Variants in MAST4 observed in about 807,000 individuals in gnomAD.
MAST4 encodes microtubule-associated serine/threonine-protein kinase 4.
A neutral mutation model predicts 162.7 loss-of-function variants in MAST4; 89 were observed. That is an observed-to-expected ratio of 0.55 (90% confidence interval 0.46 to 0.65). The LOEUF (loss-of-function observed/expected upper bound fraction) is 0.65. Ranked by LOEUF, MAST4 falls within the 30% of genes least tolerant of loss-of-function variation. The pLI is 0.00. For missense variants in MAST4, 3,153 were observed against 3,374.0 expected (o/e 0.93, Z 1.62); for synonymous variants, 1,479 against 1,361.1 (o/e 1.09, Z -1.91).
intron 1 of MAST4, among the ~76,000 whole-genome samples, chr5:66,621,844 G>A (rs2149407857): frequency 6.6e-6 from 1 of 152,346 alleles, no homozygotes; most frequent in South Asian, 2.1e-4. Flanking sequence ...TAGAGCAGGA[G>A]TTGACAGTCG....
intron 5 of MAST4, among the ~76,000 whole-genome samples, chr5:67,084,801 C>G (rs575681388): frequency 3.0e-4 from 46 of 152,178 alleles, no homozygotes; most frequent in African/African-American, 8.7e-4. Context: ...TTTTACTTAG[C>G]ATTGTTGACT....
chr5:66,885,562 TG>T (rs1194925068), intron 3 of MAST4, among the ~76,000 whole-genome samples: 2 of 152,244 alleles, frequency 1.3e-5, no homozygotes, highest in Non-Finnish European at 2.9e-5. Flanking sequence ...AACCCAGCTT[TG>T]TAAGAAGTTT....
intron 1 of MAST4, among the ~76,000 whole-genome samples, chr5:66,726,644 C>G (rs1465623851): frequency 6.6e-6 from 1 of 152,034 alleles, no homozygotes; most frequent in Non-Finnish European, 1.5e-5. Context: ...AACCCCTGAT[C>G]TAAGGTTCTT....
At chr5:66,804,252 A>G (rs1756067233) in intron 3 of MAST4, among the ~76,000 whole-genome samples, 1 of 152,204 alleles carries the variant, frequency 6.6e-6, no homozygotes, top group South Asian at 2.1e-4. Flanking sequence ...AATGTATATC[A>G]GCAACTATTA....
chr5:67,049,686 GTTAGTCTTA>G (rs1757939437), intron 4 of MAST4, among the ~76,000 whole-genome samples: 1 of 152,116 alleles, frequency 6.6e-6, no homozygotes, highest in Non-Finnish European at 1.5e-5. Flanking sequence ...CTCAATGGTG[GTTAGTCTTA>G]TTTTTTACTG....
chr5:66,660,704 G>A (rs1746850445), intron 1 of MAST4, among the ~76,000 whole-genome samples: 1 of 152,140 alleles, frequency 6.6e-6, no homozygotes, highest in Non-Finnish European at 1.5e-5. Context: ...CCTTGGGAAG[G>A]ATTTTAATTT....
At chr5:67,125,320 G>C (rs964209173) in intron 14 of MAST4, among the ~76,000 whole-genome samples, 1 of 151,324 alleles carries the variant, frequency 6.6e-6, no homozygotes, top group Non-Finnish European at 1.5e-5. Flanking sequence ...TGTTACATAG[G>C]TATACACATG....
chr5:66,734,825 G>A (rs56719489), intron 1 of MAST4, among the ~76,000 whole-genome samples: 6,918 of 152,250 alleles, frequency 0.045, 234 homozygotes, highest in South Asian at 0.12. Flanking sequence ...ACATCAATTT[G>A]TATTTGTTTT....
intron 1 of MAST4, among the ~76,000 whole-genome samples, chr5:66,753,614 C>T (rs1753331784): frequency 6.6e-6 from 1 of 151,700 alleles, no homozygotes; most frequent in Admixed American, 6.6e-5. Context: ...GAAGTTGAAT[C>T]TCTGAATAGA....
At chr5:66,731,641 T>C (rs754881557) in intron 1 of MAST4, among the ~76,000 whole-genome samples, 1 of 152,076 alleles carries the variant, frequency 6.6e-6, no homozygotes, top group Non-Finnish European at 1.5e-5. Context: ...CTCTGGCTTA[T>C]AGTCTTCTAG....
intron 18 of MAST4, 51 bp downstream of exon 18, chr5:67,134,739 T>G: frequency 3.4e-6 from 5 of 1,476,132 alleles, no homozygotes; most frequent in Non-Finnish European, 4.6e-6. Flanking sequence ...AGCAGCTATT[T>G]AATGTAAATC....
intron 4 of MAST4, among the ~76,000 whole-genome samples, chr5:66,975,269 T>C (rs1450421766): frequency 1.3e-5 from 2 of 152,180 alleles, no homozygotes; most frequent in Admixed American, 6.5e-5. Flanking sequence ...TCTATTGTTT[T>C]AAGCCAACAA....
At chr5:66,772,763 T>C (rs960251585) in intron 2 of MAST4, among the ~76,000 whole-genome samples, 4 of 152,228 alleles carry the variant, frequency 2.6e-5, no homozygotes, top group Non-Finnish European at 4.4e-5. Flanking sequence ...AACTTCTAAG[T>C]AGCCTTCATT....
At chr5:66,709,173 A>C (rs1318796670) in intron 1 of MAST4, among the ~76,000 whole-genome samples, 1 of 152,178 alleles carries the variant, frequency 6.6e-6, no homozygotes, top group Non-Finnish European at 1.5e-5. Flanking sequence ...GAAAGCACCA[A>C]GAATATTGCG....
At chr5:66,904,901 A>G (rs1321682914) in intron 4 of MAST4, among the ~76,000 whole-genome samples, 1 of 152,148 alleles carries the variant, frequency 6.6e-6, no homozygotes, top group Non-Finnish European at 1.5e-5. Context: ...CCCAAACAGT[A>G]GTTTTCCAGC....
Position 67,163,439 on chromosome 5 carries a change from G to A in MAST4, c.4260G>A (p.Pro1420=), listed in dbSNP as rs1323915331. 22 of 1,613,014 alleles carry A rather than the reference G, an allele frequency of 1.4e-5. No individual in the cohort carries two copies. The highest frequency in any genetic ancestry group is 2.7e-5 in the African/African-American group (2 of 74,900). The change falls in exon 29 of 29, where the codon CCG becomes CCA. Residue 1420 remains proline, a synonymous_variant. Transcript: ENST00000403625. The surrounding 1 kb of genome is among the most constrained non-coding windows in gnomAD (Gnocchi z 7.0). The part of the protein sequence containing the change: ...AQAFPSKMHS[P]PTIVRHIVRP... ...CCTTTCCCAGCAAGATGCACTCCCC[G>A]CCCACCATCGTCAGACACATCGTGA...
chr5:67,066,486 T>C (rs1350697751), intron 5 of MAST4, among the ~76,000 whole-genome samples: 1 of 151,768 alleles, frequency 6.6e-6, no homozygotes, highest in African/African-American at 2.4e-5. Context: ...TATAATTTTA[T>C]GTCTATATCA....
At chr5:66,930,581 G>C (rs889982960) in intron 4 of MAST4, among the ~76,000 whole-genome samples, 3 of 152,162 alleles carry the variant, frequency 2.0e-5, no homozygotes, top group Non-Finnish European at 4.4e-5. Flanking sequence ...TATCAATGAG[G>C]AGTATATGAG....
At chr5:66,694,878 T>C (rs1363290121) in intron 1 of MAST4, among the ~76,000 whole-genome samples, 1 of 152,220 alleles carries the variant, frequency 6.6e-6, no homozygotes, top group Non-Finnish European at 1.5e-5. Flanking sequence ...ATGCCTTTTT[T>C]TTCTTGTAAA....
Sources: gnomAD v4.1 joint callset for allele counts (sites outside exome capture counted in the v4.1 genomes callset) on GRCh38, gnomAD v4.1.1 for gene constraint, Gnocchi (gnomAD v3.1) non-coding constraint, MANE v1.5 for transcripts, NCBI Gene and HGNC (gene_info 2026-07-23, HGNC 2026-07-21) for gene names.